RNF17: variants seen among roughly 807,000 people sequenced by gnomAD.
RNF17 encodes spermatogenesis associated 23.
Under a neutral mutation model 200.5 loss-of-function variants are expected in RNF17, and 31 were observed. The ratio of observed to expected loss-of-function variants is 0.15; its 90% CI spans 0.12 to 0.21. The LOEUF (loss-of-function observed/expected upper bound fraction) is 0.21. Ranked by LOEUF, RNF17 falls within the 10% of genes least tolerant of loss-of-function variation. The pLI is 1.00. For missense variants in RNF17, 1,628 were observed against 1,905.1 expected, an observed-to-expected ratio of 0.85 and a Z score of 2.71; for synonymous variants, 606 against 637.8, an observed-to-expected ratio of 0.95 and a Z score of 0.75.
At chr13:24,832,002 T>G (rs984872072) in intron 18 of RNF17, 24 bp downstream of exon 18, 20 of 1,437,526 alleles carry the variant, frequency 1.4e-5, no homozygotes, top group Non-Finnish European at 1.8e-5. Context: ...TTACTTGTTA[T>G]GTAATCACAT....
chr13:24,864,317 A>G (rs1234109407), intron 28 of RNF17, among the ~76,000 whole-genome samples: 4 of 152,178 alleles, frequency 2.6e-5, no homozygotes, highest in Non-Finnish European at 5.9e-5. Flanking sequence ...GAGGAGCAGT[A>G]AAACAGTGAG....
Position 24,817,658 on chromosome 13 carries a change from G to A in RNF17, c.2092-7961G>A, listed in dbSNP as rs539952374. On this transcript the variant is annotated intron_variant, in intron 15 of 35. Coordinates refer to ENST00000255324, the MANE Select transcript of RNF17 (RefSeq NM_031277.3). Reference sequence around the variant, plus strand: ...TGCTTGAACCCAGGAGGCAGAAGTTGCAGTGAGCTGAGAGTGTGCCACTGC... The same window carrying A: ...TGCTTGAACCCAGGAGGCAGAAGTTACAGTGAGCTGAGAGTGTGCCACTGC... Among the ~76,000 whole-genome samples the A allele has an allele frequency of 2.0e-3, 310 of 151,794 alleles. 1 individual carries two copies. The highest frequency in any genetic ancestry group is 3.5e-3 in the Non-Finnish European group (236 of 67,958).
intron 28 of RNF17, 95 bp from the exon 29 acceptor site, chr13:24,864,778 A>G (rs1461410605): frequency 5.4e-6 from 5 of 920,364 alleles, no homozygotes; most frequent in African/African-American, 5.0e-5. Context: ...AGTTAATACT[A>G]TGATTGTCAG....
At chr13:24,791,611 A>G (rs920456364) in intron 9 of RNF17, among the ~76,000 whole-genome samples, 3 of 152,108 alleles carry the variant, frequency 2.0e-5, no homozygotes, top group African/African-American at 7.2e-5. Context: ...AAAGAGAAAT[A>G]AGTTCTTTCA....
At chr13:24,803,200 T>G (rs538721186) in intron 14 of RNF17, among the ~76,000 whole-genome samples, 1 of 152,366 alleles carries the variant, frequency 6.6e-6, no homozygotes, top group East Asian at 1.9e-4. Context: ...TTCCTAAATT[T>G]TCCTCAATTT....
At chr13:24,804,896 A>G (rs572196205) in intron 15 of RNF17, among the ~76,000 whole-genome samples, 9 of 152,252 alleles carry the variant, frequency 5.9e-5, no homozygotes, top group African/African-American at 1.9e-4. Context: ...TGGGTGCTTT[A>G]TATGATTTAA....
intron 6 of RNF17, 59 bp from the exon 7 acceptor site, chr13:24,787,929 G>T (rs1196995095): frequency 8.9e-6 from 12 of 1,351,828 alleles, no homozygotes; most frequent in Non-Finnish European, 1.2e-5. Context: ...ACTATAGATC[G>T]ACTTTTTCTA....
intron 22 of RNF17, among the ~76,000 whole-genome samples, chr13:24,847,693 T>C (rs1891415145): frequency 6.6e-6 from 1 of 152,128 alleles, no homozygotes; most frequent in African/African-American, 2.4e-5. Context: ...AAATTTGTTT[T>C]ATTCCCTAAA....
intron 32 of RNF17, among the ~76,000 whole-genome samples, chr13:24,871,019 A>G (rs1413448301): frequency 1.3e-5 from 2 of 152,198 alleles, no homozygotes; most frequent in Non-Finnish European, 2.9e-5. Context: ...ATTATTTTCT[A>G]AGTTTGAGGT....
At chr13:24,864,085 G>A (rs1283157353) in intron 28 of RNF17, among the ~76,000 whole-genome samples, 3 of 152,224 alleles carry the variant, frequency 2.0e-5, no homozygotes, top group Non-Finnish European at 4.4e-5. Flanking sequence ...GGCATGGCCA[G>A]GGAGGAGGTT....
chr13:24,799,741 A>G (rs1885016690), intron 12 of RNF17, among the ~76,000 whole-genome samples, 157 bp downstream of exon 12: 1 of 152,136 alleles, frequency 6.6e-6, no homozygotes, highest in African/African-American at 2.4e-5. Context: ...TGTTGTCTTG[A>G]TAAGTAAAAC....
upstream of RNF17, chr13:24,764,023 T>C: frequency 3.9e-6 from 2 of 508,588 alleles, no homozygotes; most frequent in Non-Finnish European, 6.9e-6. Context: ...CTTCTAGGAG[T>C]GGTACCTCCC....
At chr13:24,794,214 A>G (rs969031929) in intron 10 of RNF17, 20 of 456,480 alleles carry the variant, frequency 4.4e-5, no homozygotes, top group African/African-American at 3.4e-4. Context: ...TCTTCAGAAA[A>G]ACTCATCTGT....
chr13:24,830,757 A>G (rs908047931), intron 17 of RNF17, among the ~76,000 whole-genome samples, 158 bp downstream of exon 17: 4 of 152,214 alleles, frequency 2.6e-5, no homozygotes, highest in African/African-American at 9.6e-5. Flanking sequence ...TATTGAGGAA[A>G]TAATATGTAT....
chr13:24,881,882 A>C (rs1161133235), downstream of RNF17, among the ~76,000 whole-genome samples: 2 of 119,264 alleles, frequency 1.7e-5, no homozygotes, highest in African/African-American at 2.9e-5. Context: ...ATCTATATAG[A>C]TATATAGATA....
intron 29 of RNF17, 127 bp from the exon 30 acceptor site, chr13:24,866,017 A>G (rs1431472326): frequency 3.2e-6 from 2 of 626,340 alleles, no homozygotes; most frequent in African/African-American, 3.8e-5. Flanking sequence ...TTTTCCTGTA[A>G]TTGATCTGAA....
intron 30 of RNF17, 76 bp from the exon 31 acceptor site, chr13:24,868,524 G>C: frequency 1.5e-6 from 1 of 647,698 alleles, no homozygotes; most frequent in South Asian, 1.6e-5. Context: ...AGGTAAATTG[G>C]CACCATCATG....
Position 24,866,180 on chromosome 13 carries a change from G to A in RNF17, c.4138G>A (p.Glu1380Lys), listed in dbSNP as rs9507425. The A allele has an allele frequency of 0.26, 395,847 of 1,536,776 alleles. 54,049 individuals are homozygous for A. The highest frequency in any genetic ancestry group is 0.28 in the Non-Finnish European group (306,753 of 1,114,788). Residue 1380 changes from glutamate (E) to lysine (K), a missense_variant, in exon 30 of 36, where the codon GAA (glutamate) becomes AAA (lysine). This residue lies in a region of RNF17 where 609 missense variants were observed against 681.9 expected (regional missense o/e 0.89). Transcript: ENST00000255324. The part of the protein sequence containing the change: ...RSDHDKKYEE[E>K]QWEIRFEELL... ...AGATCATGATAAAAAGTATGAAGAG[G>A]AACAATGGGAAATAAGGTTTGAGGT...
At chr13:24,843,175 T>C (rs1485209457) in intron 19 of RNF17, among the ~76,000 whole-genome samples, 5 of 152,048 alleles carry the variant, frequency 3.3e-5, no homozygotes, top group Non-Finnish European at 5.9e-5. Context: ...GCTTTTCCAC[T>C]ATAGGTCTCA....
Sources: allele counts gnomAD v4.1 joint callset (sites outside exome capture counted in the v4.1 genomes callset), GRCh38; gene constraint gnomAD v4.1.1; regional missense constraint gnomAD v4.1.1; transcripts MANE v1.5; gene names NCBI Gene and HGNC (gene_info 2026-07-23, HGNC 2026-07-21).